Variants in MPHOSPH8 observed in about 807,000 individuals in gnomAD.
MPHOSPH8 encodes M-phase phosphoprotein 8.
Under a neutral mutation model 87.3 loss-of-function variants are expected in MPHOSPH8, and 45 were observed. The observed-to-expected ratio is 0.52, with a 90% CI of 0.41 to 0.66. The LOEUF (loss-of-function observed/expected upper bound fraction) is 0.66, where lower values mean the gene tolerates loss of function less well. MPHOSPH8 is among the 30% of genes least tolerant of loss of function. MPHOSPH8 has a pLI of 0.00. For missense variants in MPHOSPH8, 883 were observed against 1,020.2 expected (o/e 0.87, Z 1.83); for synonymous variants, 366 against 376.9 (o/e 0.97, Z 0.33).
chr13:19,640,364 A>T (rs1244652248), intron 1 of MPHOSPH8, among the ~76,000 whole-genome samples: 1 of 152,190 alleles, frequency 6.6e-6, no homozygotes, highest in East Asian at 1.9e-4. Flanking sequence ...CCCTTTAACC[A>T]TTTAAAAATA....
intron 5 of MPHOSPH8, among the ~76,000 whole-genome samples, chr13:19,655,280 G>C (rs1875091652): frequency 6.6e-6 from 1 of 152,104 alleles, no homozygotes; most frequent in Non-Finnish European, 1.5e-5. Flanking sequence ...TTCAAGACTA[G>C]CCTGGGAAAA....
Position 19,648,484 on chromosome 13 carries a change from G to C in MPHOSPH8, c.1281G>C (p.Lys427Asn). 1.3e-6 allele frequency: 2 copies of C among 1,581,006 alleles called. No homozygotes were observed. Among genetic ancestry groups the C allele is most frequent in the Non-Finnish European group, 1.7e-6 (2 of 1,165,008 alleles). The change falls in exon 4 of 14, where the codon AAG becomes AAC. Residue 427 changes from lysine (K) to asparagine (N), a missense_variant. Lys to Asn is a moderately conservative substitution (Grantham distance 94, BLOSUM62 0). Transcript: ENST00000361479. ...EKYQKRHDSD[K>N]EEKGRKEPKG... ...ATCAGAAAAGGCATGATTCTGACAA[G>C]GAAGAAAAAGGCAGAAAAGAGCCAA...
Position 19,668,384 on chromosome 13 carries a change from A to C in MPHOSPH8, c.2182A>C (p.Arg728=). 6.2e-7 allele frequency: 1 copy of C among 1,612,142 alleles called. No individual in the cohort carries two copies. The highest frequency in any genetic ancestry group is 8.5e-7 in the Non-Finnish European group (1 of 1,179,432). The change falls in exon 11 of 14, where the codon AGA becomes CGA. Residue 728 remains arginine (R), a synonymous_variant. Transcript: ENST00000361479. ...LLKNHLETLS[R]VAEETIKDYF... is the part of the protein sequence containing the mutation. ...ACTATTTTTTTTTCTTAGACTTTCA[A>C]GAGTAGCAGAAGAGACAATAAAGGA... is the stretch of plus-strand genomic sequence containing the variant.
At chr13:19,659,775 A>G (rs1875409819) in intron 7 of MPHOSPH8, 2 of 303,994 alleles carry the variant, frequency 6.6e-6, no homozygotes, top group South Asian at 5.9e-5. Context: ...TCTAAAAGTG[A>G]TGGTTTGGTT....
At chr13:19,667,538 C>T (rs936282296) in intron 10 of MPHOSPH8, among the ~76,000 whole-genome samples, 13 of 152,104 alleles carry the variant, frequency 8.5e-5, no homozygotes, top group Admixed American at 2.0e-4. Flanking sequence ...CCTCCCCCAG[C>T]CCCTGACAAC....
At position 19,672,122 on chromosome 13, in the gene MPHOSPH8, AT is replaced by A. The variant is rs1876164219; in HGVS notation, c.*249del. ...CACAATGTGGATAGTACATATGAGG[AT>A]TATTTAAGAAAATTAAAGACTTCAC... On this transcript the variant is annotated 3_prime_UTR_variant, in exon 14 of 14. Coordinates refer to ENST00000361479, the MANE Select transcript of MPHOSPH8 (RefSeq NM_017520.4). The A allele has an allele frequency of 4.5e-6, 2 of 442,190 alleles. 1 individual carries two copies. The highest frequency in any genetic ancestry group is 7.4e-5 in the Admixed American group (2 of 27,204). The allele number at this position is 442,190 out of a possible 1,614,324, so 27.4% of individuals were successfully genotyped here. A position where few individuals can be genotyped will look rare whatever the true frequency, so the allele number is the denominator to read the frequency against.
chr13:19,666,210 T>C (rs1204073872), intron 9 of MPHOSPH8, among the ~76,000 whole-genome samples: 1 of 152,250 alleles, frequency 6.6e-6, no homozygotes, highest in African/African-American at 2.4e-5. Context: ...CAGATTTTTA[T>C]GTTGGCCCCT....
At chr13:19,655,385 T>C (rs1277702933) in intron 5 of MPHOSPH8, among the ~76,000 whole-genome samples, 1 of 152,128 alleles carries the variant, frequency 6.6e-6, no homozygotes, top group Non-Finnish European at 1.5e-5. Context: ...GGAGGACCAC[T>C]TGAGCCCGGA....
rs1565940545 is a variant in MPHOSPH8, at chr13:19,658,473, G to GC, written c.1577-522_1577-521insC. On this transcript the variant is annotated intron_variant, in intron 5 of 13. Coordinates refer to ENST00000361479, the MANE Select transcript of MPHOSPH8 (RefSeq NM_017520.4). Reference sequence around the variant, plus strand: ...GGGGAAGACTCTAGCAATACCTCACGGGGGTGGGTGTGGGCCAGGGCACTG... The same window carrying GC: ...GGGGAAGACTCTAGCAATACCTCACGCGGGGTGGGTGTGGGCCAGGGCACTG... Among the ~76,000 whole-genome samples the GC allele has an allele frequency of 1.2e-3, 9 of 7,746 alleles. No homozygotes were observed. The South Asian group carries it at 0.052, about 45-fold the overall frequency. The allele number at this position is 7,746 out of a possible 152,430, so 5.1% of individuals were successfully genotyped here.
At chr13:19,669,537 C>T (rs1187514902) in intron 11 of MPHOSPH8, among the ~76,000 whole-genome samples, 1 of 140,718 alleles carries the variant, frequency 7.1e-6, no homozygotes, top group Non-Finnish European at 1.5e-5. Context: ...TTTCAGGAGT[C>T]TCACACTGTT....
chr13:19,657,913 G>A (rs1199516487), intron 5 of MPHOSPH8, among the ~76,000 whole-genome samples: 2 of 152,240 alleles, frequency 1.3e-5, no homozygotes, highest in Non-Finnish European at 2.9e-5. Context: ...TCACTGCTGT[G>A]TGTCTCTGAG....
intron 9 of MPHOSPH8, among the ~76,000 whole-genome samples, chr13:19,663,964 T>A (rs1304631613): frequency 2.6e-5 from 4 of 152,192 alleles, no homozygotes; most frequent in Non-Finnish European, 5.9e-5. Flanking sequence ...TCTGATGGCC[T>A]GGACCACCTG....
At chr13:19,643,922 G>C (rs950442176) in intron 2 of MPHOSPH8, among the ~76,000 whole-genome samples, 1 of 151,994 alleles carries the variant, frequency 6.6e-6, no homozygotes, top group Non-Finnish European at 1.5e-5. Flanking sequence ...GAGAACTCTG[G>C]TCACAACAGT....
intron 4 of MPHOSPH8, among the ~76,000 whole-genome samples, 157 bp downstream of exon 4, chr13:19,648,678 C>T (rs1183843335): frequency 6.6e-6 from 1 of 151,638 alleles, no homozygotes; most frequent in Non-Finnish European, 1.5e-5. Context: ...ATTAGAATTA[C>T]TGAGACTGGA....
At chr13:19,650,832 G>A (rs761750675) in intron 5 of MPHOSPH8, among the ~76,000 whole-genome samples, 10 of 152,168 alleles carry the variant, frequency 6.6e-5, no homozygotes, top group Non-Finnish European at 1.2e-4. Context: ...GTTGAGAATT[G>A]AAAAATTCGG....
intron 5 of MPHOSPH8, among the ~76,000 whole-genome samples, chr13:19,656,305 C>T (rs1055327136): frequency 1.5e-5 from 2 of 134,628 alleles, no homozygotes; most frequent in African/African-American, 2.6e-5. Flanking sequence ...AAAAAACTGT[C>T]GTCATCAGAT....
Position 19,659,289 on chromosome 13 carries a change from G to T in MPHOSPH8, c.1791G>T (p.Glu597Asp), listed in dbSNP as rs1169039865. 1 of 1,592,334 alleles carries T rather than the reference G, an allele frequency of 6.3e-7. No homozygotes were observed. Among genetic ancestry groups the T allele is most frequent in the African/African-American group, 1.4e-5 (1 of 73,736 alleles). Residue 597 changes from glutamate (E) to aspartate (D), a missense_variant and splice_region_variant, in exon 7 of 14, where the codon GAG (glutamate) becomes GAT (aspartate). Glu to Asp is a conservative substitution (Grantham distance 45). Coordinates refer to ENST00000361479, the MANE Select transcript of MPHOSPH8 (RefSeq NM_017520.4). ...NSNEEYNLDQEDSSGMTLVML... is the reference protein window; with the variant it reads ...NSNEEYNLDQDDSSGMTLVML... The stretch of plus-strand genomic sequence containing the variant: ...ATGAAGAATATAACCTGGACCAAGA[G>T]GTAATATGTCGTTGAAAAATCTCAT...
At chr13:19,670,154 C>T in intron 11 of MPHOSPH8, 82 bp from the exon 12 acceptor site, 1 of 1,544,872 alleles carries the variant, frequency 6.5e-7, no homozygotes, top group Non-Finnish European at 8.9e-7. Flanking sequence ...AGCTCAGGGG[C>T]CTGCTTCCAT....
intron 5 of MPHOSPH8, among the ~76,000 whole-genome samples, chr13:19,658,774 C>T (rs1286248215): frequency 6.6e-6 from 1 of 152,192 alleles, no homozygotes; most frequent in Admixed American, 6.5e-5. Flanking sequence ...ACCTATTTAT[C>T]TTTATGCCTT....
Sources: gnomAD v4.1 joint callset for allele counts (sites outside exome capture counted in the v4.1 genomes callset) on GRCh38, gnomAD v4.1.1 for gene constraint, MANE v1.5 for transcripts, NCBI Gene and HGNC (gene_info 2026-07-23, HGNC 2026-07-21) for gene names.